Variants in MYO16 observed in about 807,000 individuals in gnomAD.
The protein encoded by MYO16 is unconventional myosin-XVI.
MYO16 carries 94 observed loss-of-function variants against 205.3 expected under a neutral mutation model. The observed-to-expected ratio is 0.46, with a 90% CI of 0.39 to 0.54. MYO16 has a LOEUF of 0.54. Ranked by LOEUF, MYO16 falls within the 20% of genes least tolerant of loss-of-function variation. The pLI, the probability that MYO16 is intolerant of heterozygous loss-of-function variation, is 0.00. For missense variants in MYO16, 2,315 were observed against 2,387.5 expected (o/e 0.97, Z 0.63); for synonymous variants, 988 against 954.0 (o/e 1.04, Z -0.66).
intron 23 of MYO16, among the ~76,000 whole-genome samples, chr13:109,026,703 C>T (rs777068709): frequency 1.6e-4 from 24 of 152,146 alleles, no homozygotes; most frequent in Non-Finnish European, 3.1e-4. Context: ...GGTTTTTGCA[C>T]GTGGTTTTCC....
the MYO16 span, among the ~76,000 whole-genome samples, chr13:108,535,897 A>C: frequency 1.3e-5 from 2 of 152,224 alleles, no homozygotes; most frequent in South Asian, 4.1e-4. Flanking sequence ...CTTTCTTCTG[A>C]AAATTTGGAG....
chr13:108,739,542 C>G (rs149726), intron 4 of MYO16, among the ~76,000 whole-genome samples: 1 of 152,112 alleles, frequency 6.6e-6, no homozygotes, highest in Non-Finnish European at 1.5e-5. Context: ...GTGAGTAACC[C>G]GACCTTTCTC....
At chr13:108,590,354 T>C in the MYO16 span, among the ~76,000 whole-genome samples, 217 of 152,300 alleles carry the variant, frequency 1.4e-3, 1 homozygote, top group African/African-American at 5.1e-3. Context: ...TCGGGTTTCA[T>C]TGATTGTAGC....
At chr13:108,910,337 A>C (rs187984338) in intron 16 of MYO16, among the ~76,000 whole-genome samples, 187 bp downstream of exon 16, 304 of 151,830 alleles carry the variant, frequency 2.0e-3, no homozygotes, top group Non-Finnish European at 2.2e-3. Flanking sequence ...GTGAAGTTGT[A>C]TGTGTGTGAA....
intron 4 of MYO16, among the ~76,000 whole-genome samples, chr13:108,770,765 A>G (rs1885935101): frequency 1.3e-5 from 2 of 152,350 alleles, no homozygotes; most frequent in Non-Finnish European, 2.9e-5. Flanking sequence ...ACCATTTCCA[A>G]TATAAATTCC....
chr13:109,182,921 G>C (rs1331267565), intron 34 of MYO16, among the ~76,000 whole-genome samples: 1 of 152,156 alleles, frequency 6.6e-6, no homozygotes, highest in Non-Finnish European at 1.5e-5. Context: ...CTGTGCATGG[G>C]GCTGTGTTCC....
At chr13:108,816,399 G>T (rs2139005680) in intron 7 of MYO16, among the ~76,000 whole-genome samples, 1 of 62,090 alleles carries the variant, frequency 1.6e-5, no homozygotes, top group Non-Finnish European at 4.3e-5. Flanking sequence ...CGCTAGAATG[G>T]GCATGAAGTA....
At chr13:108,872,171 T>C (rs1336817345) in intron 12 of MYO16, among the ~76,000 whole-genome samples, 5 of 152,258 alleles carry the variant, frequency 3.3e-5, no homozygotes, top group African/African-American at 1.2e-4. Flanking sequence ...TTCTGGCTTA[T>C]GTTTATGGTA....
chr13:108,580,704 G>A, the MYO16 span, among the ~76,000 whole-genome samples: 62 of 152,270 alleles, frequency 4.1e-4, no homozygotes, highest in African/African-American at 1.4e-3. Context: ...CTCTACAGGT[G>A]GAAGTGGAAT....
chr13:108,892,505 T>C (rs1478353303), intron 14 of MYO16, among the ~76,000 whole-genome samples: 4 of 152,138 alleles, frequency 2.6e-5, no homozygotes, highest in Non-Finnish European at 5.9e-5. Flanking sequence ...CCTCCCAAAG[T>C]GCTGGGATTA....
chr13:108,543,883 T>G, the MYO16 span, among the ~76,000 whole-genome samples: 7 of 150,028 alleles, frequency 4.7e-5, no homozygotes, highest in East Asian at 1.4e-3. Flanking sequence ...CCGGCCAACA[T>G]GGAGAAACCC....
At chr13:108,701,910 A>G (rs1002400631) in intron 2 of MYO16, among the ~76,000 whole-genome samples, 1 of 152,230 alleles carries the variant, frequency 6.6e-6, no homozygotes, top group Admixed American at 6.5e-5. Context: ...AAAGCACAGT[A>G]ACTAAAATTA....
intron 9 of MYO16, among the ~76,000 whole-genome samples, chr13:108,825,871 CA>C (rs1876235320): frequency 6.6e-6 from 1 of 151,528 alleles, no homozygotes; most frequent in African/African-American, 2.4e-5. Flanking sequence ...TAATTTACAA[CA>C]ACATAAGAAA....
chr13:108,924,481 G>A (rs922466877), intron 16 of MYO16, among the ~76,000 whole-genome samples: 4 of 152,148 alleles, frequency 2.6e-5, no homozygotes, highest in African/African-American at 4.8e-5. Context: ...CAGAATGGTC[G>A]ATGATGCTTG....
chr13:109,010,259 CT>C (rs539406866), intron 22 of MYO16, among the ~76,000 whole-genome samples: 114 of 152,238 alleles, frequency 7.5e-4, no homozygotes, highest in African/African-American at 2.6e-3. Context: ...TCATTAATCC[CT>C]TTCTTATGGC....
intron 1 of MYO16, among the ~76,000 whole-genome samples, chr13:108,601,550 A>T (rs1594135686): frequency 6.6e-6 from 1 of 151,676 alleles, no homozygotes; most frequent in Non-Finnish European, 1.5e-5. Context: ...CAATATAGTA[A>T]TTTTTTTCAA....
At chr13:108,504,626 C>G in the MYO16 span, among the ~76,000 whole-genome samples, 2 of 151,946 alleles carry the variant, frequency 1.3e-5, no homozygotes, top group Non-Finnish European at 2.9e-5. Context: ...ACCTCTGCCT[C>G]CTGGGTTCAA....
intron 6 of MYO16, among the ~76,000 whole-genome samples, chr13:108,795,410 A>G (rs187684603): frequency 2.0e-3 from 300 of 152,096 alleles, no homozygotes; most frequent in East Asian, 0.01. Flanking sequence ...GGGTTTCACC[A>G]TGTTAGCCAG....
At chr13:108,501,412 A>ACT in the MYO16 span, among the ~76,000 whole-genome samples, 4 of 151,684 alleles carry the variant, frequency 2.6e-5, no homozygotes, top group East Asian at 7.8e-4. Flanking sequence ...TCATCCTCTG[A>ACT]CTCTCTCTCA....
Sources: allele counts gnomAD v4.1 joint callset (sites outside exome capture counted in the v4.1 genomes callset), GRCh38; gene constraint gnomAD v4.1.1; transcripts MANE v1.5; gene names NCBI Gene and HGNC (gene_info 2026-07-23, HGNC 2026-07-21).